The following DELE1 variants were observed in gnomAD, a reference collection of about 807,000 sequenced individuals.
The protein encoded by DELE1 is death ligand signal enhancer.
A neutral mutation model predicts 59.3 loss-of-function variants in DELE1; 54 were observed. The ratio of observed to expected loss-of-function variants is 0.91; its 90% CI spans 0.73 to 1.14. The LOEUF (loss-of-function observed/expected upper bound fraction) is 1.14, where lower values mean the gene tolerates loss of function less well. Ranked by LOEUF, DELE1 falls within the 50% of genes most tolerant of loss-of-function variation. The probability of loss-of-function intolerance (pLI) is 0.00; values close to 1 mark genes in which losing one functional copy is unlikely to be tolerated. For missense variants in DELE1, 636 were observed against 643.9 expected, an observed-to-expected ratio of 0.99 and a Z score of 0.13; for synonymous variants, 264 against 259.1, an observed-to-expected ratio of 1.02 and a Z score of -0.18.
intron 7 of DELE1, among the ~76,000 whole-genome samples, chr5:141,932,152 G>A (rs968847837): frequency 6.6e-6 from 1 of 152,080 alleles, no homozygotes; most frequent in African/African-American, 2.4e-5. Context: ...GTTTAGAGCA[G>A]ACACAGGATG....
Position 141,940,023 on chromosome 5 carries a change from A to C in DELE1, c.*1264A>C, listed in dbSNP as rs1752643992. 2 of 985,166 alleles carry C rather than the reference A, an allele frequency of 2.0e-6. No homozygotes were observed. Among genetic ancestry groups the C allele is most frequent in the Non-Finnish European group, 2.4e-6 (2 of 829,834 alleles). The allele number at this position is 985,166 out of a possible 1,614,324, so 61.0% of individuals were successfully genotyped here. ...TGAAAGCATTATGACTGTCCTACCCATGGGAGAGTAAATGTAGATTGAATG... is the reference window on the plus strand; with the variant it reads ...TGAAAGCATTATGACTGTCCTACCCCTGGGAGAGTAAATGTAGATTGAATG... On this transcript the variant is annotated 3_prime_UTR_variant, in exon 12 of 12. Transcript: ENST00000432126.
At chr5:141,938,453 G>A in intron 11 of DELE1, 68 bp from the exon 12 acceptor site, 1 of 1,556,652 alleles carries the variant, frequency 6.4e-7, no homozygotes, top group African/African-American at 1.4e-5. Flanking sequence ...TTGAAGAAGT[G>A]CTGGCTCCAA....
chr5:141,927,488 C>T lies in DELE1; in HGVS notation c.265-663C>T, dbSNP rs998505977. Among the ~76,000 whole-genome samples, 4 of 152,290 alleles carry T rather than the reference C, an allele frequency of 2.6e-5. No individual in the cohort carries two copies. The East Asian group carries it at 5.8e-4, about 22-fold the overall frequency. On this transcript the variant is annotated intron_variant, in intron 3 of 11. Transcript: ENST00000432126. The stretch of plus-strand genomic sequence containing the variant: ...GATTACAGGCATGAGCCACTGCACC[C>T]GACCCTGGGTCAACCTTCTTAAGCA...
rs200816837 is a variant in DELE1 at position 141,928,306 on chromosome 5, C to T, written c.412+8C>T. On this transcript the variant is annotated splice_region_variant and intron_variant, in intron 4 of 11. Transcript: ENST00000432126. ...TGTGGCACCCATGCTCCTGTGAGTT[C>T]TCAGTCCTGGGGACAGGAGGGCTGG... 4 of 1,613,602 alleles carry T rather than the reference C, an allele frequency of 2.5e-6. No homozygotes were observed. The East Asian group carries it at 8.9e-5, about 36-fold the overall frequency.
intron 10 of DELE1, among the ~76,000 whole-genome samples, chr5:141,935,449 T>G: frequency 6.6e-6 from 1 of 152,246 alleles, no homozygotes; most frequent in Non-Finnish European, 1.5e-5. Context: ...CCAGGAGTCT[T>G]GGATTAAATC....
intron 10 of DELE1, 140 bp from the exon 11 acceptor site, chr5:141,937,058 T>C (rs1461632808): frequency 2.6e-6 from 4 of 1,511,792 alleles, no homozygotes; most frequent in Admixed American, 4.2e-5. Context: ...GATCCCTTGC[T>C]ATGGGGCGGG....
intron 7 of DELE1, 81 bp downstream of exon 7, chr5:141,930,355 G>A: frequency 9.9e-7 from 1 of 1,009,208 alleles, no homozygotes. Context: ...AGTCAAGATA[G>A]GGAGTGGCTT....
chr5:141,929,820 G>T, intron 5 of DELE1, 80 bp downstream of exon 5: 2 of 1,567,710 alleles, frequency 1.3e-6, no homozygotes, highest in East Asian at 4.6e-5. Context: ...TGTTTGCTGC[G>T]AAGGGAATTG....
chr5:141,929,913 G>C (rs1751761594), intron 5 of DELE1, 76 bp from the exon 6 acceptor site: 1 of 1,540,752 alleles, frequency 6.5e-7, no homozygotes, highest in Non-Finnish European at 9.0e-7. Context: ...GAAAGCCTGG[G>C]TAGACTGGGA....
In DELE1 at chr5:141,929,668, G is replaced by A; in HGVS notation, c.499G>A (p.Ala167Thr). 1.2e-6 allele frequency: 2 copies of A among 1,614,240 alleles called. No homozygotes were observed. Among genetic ancestry groups the A allele is most frequent in the Non-Finnish European group, 1.7e-6 (2 of 1,180,042 alleles). ...GGAACCCAGGCTTGGCCAGGAAGAA[G>A]CCTCAGCTCAGCCCCGGAACTTCTC... ...LREPRLGQEE[A>T]SAQPRNFSHN... is the part of the protein sequence containing the mutation. The change falls in exon 5 of 12, where the codon GCC (alanine) becomes ACC (threonine). Residue 167 changes from alanine to threonine, a missense_variant. Coordinates refer to ENST00000432126, the MANE Select transcript of DELE1 (RefSeq NM_014773.5).
Position 141,940,774 on chromosome 5 carries a change from G to C in DELE1, c.*2015G>C, listed in dbSNP as rs1010703826. ...TTGTCTTTGTATTCCAGTGTCCCCA[G>C]CACTGAGTGCAAGGCCCCATGCAGG... On this transcript the variant is annotated 3_prime_UTR_variant, in exon 12 of 12. Transcript: ENST00000432126. 2.0e-6 allele frequency: 2 copies of C among 982,202 alleles called. No individual in the cohort carries two copies. The highest frequency in any genetic ancestry group is 2.4e-6 in the Non-Finnish European group (2 of 827,114). 60.8% of individuals were successfully genotyped at this position (982,202 alleles called of 1,614,324 possible). A position where few individuals can be genotyped will look rare whatever the true frequency, so the allele number is the denominator to read the frequency against.
Position 141,929,665 on chromosome 5 carries a change from G to A in DELE1, c.496G>A (p.Glu166Lys). The change falls in exon 5 of 12, where the codon GAA becomes AAA. Residue 166 changes from glutamate (E) to lysine (K), a missense_variant. Coordinates refer to ENST00000432126, the MANE Select transcript of DELE1 (RefSeq NM_014773.5). ...CAGGGAACCCAGGCTTGGCCAGGAA[G>A]AAGCCTCAGCTCAGCCCCGGAACTT... is the stretch of plus-strand genomic sequence containing the variant. ...GLREPRLGQE[E>K]ASAQPRNFSH... 1.2e-6 allele frequency: 2 copies of A among 1,614,234 alleles called. No individual in the cohort carries two copies. Among genetic ancestry groups the A allele is most frequent in the Non-Finnish European group, 1.7e-6 (2 of 1,180,044 alleles).
At position 141,938,790 on chromosome 5, in the gene DELE1, T is replaced by G. The variant is rs1752568882; in HGVS notation, c.*31T>G. 1.9e-6 allele frequency: 3 copies of G among 1,582,556 alleles called. No individual in the cohort carries two copies. In the South Asian group the frequency reaches 3.4e-5, roughly 18 times the overall value. ...GATAAAACATAGTCCCTGGTGCCTC[T>G]TAGGGGCCAGAGCGGGCAGGAGGTT... On this transcript the variant is annotated 3_prime_UTR_variant, in exon 12 of 12. Coordinates refer to ENST00000432126, the MANE Select transcript of DELE1 (RefSeq NM_014773.5).
chr5:141,936,003 C>A (rs1297478256), intron 10 of DELE1, among the ~76,000 whole-genome samples: 1 of 152,114 alleles, frequency 6.6e-6, no homozygotes, highest in African/African-American at 2.4e-5. Context: ...GTTATAGAAG[C>A]AGGGGGAGAA....
chr5:141,938,428 T>G, intron 11 of DELE1, 93 bp from the exon 12 acceptor site: 1 of 1,532,984 alleles, frequency 6.5e-7, no homozygotes, highest in Non-Finnish European at 8.8e-7. Context: ...TAACAATGCC[T>G]GGGGAACCAA....
At chr5:141,932,052 T>C (rs897201835) in intron 7 of DELE1, among the ~76,000 whole-genome samples, 2 of 152,226 alleles carry the variant, frequency 1.3e-5, no homozygotes, top group Non-Finnish European at 2.9e-5. Context: ...AGACAGGACT[T>C]GTACTTTTGA....
Position 141,928,154 on chromosome 5 carries a change from A to G in DELE1, c.268A>G (p.Thr90Ala), listed in dbSNP as rs1192142642. Residue 90 changes from threonine to alanine, a missense_variant, in exon 4 of 12, where the codon ACT (threonine) becomes GCT (alanine). By Grantham distance (58) the Thr-to-Ala change is moderately conservative. Coordinates refer to ENST00000432126, the MANE Select transcript of DELE1 (RefSeq NM_014773.5). ...CTTAACGTGCTGTCTTTCCCAGGGC[A>G]CTCTGGCCGTGCTGGCCCTGCAGCT... ...NTLWDAISWG[T>A]LAVLALQLAR... 2 of 1,613,034 alleles carry G rather than the reference A, an allele frequency of 1.2e-6. No homozygotes were observed. Among genetic ancestry groups the G allele is most frequent in the African/African-American group, 2.7e-5 (2 of 74,880 alleles).
intron 3 of DELE1, among the ~76,000 whole-genome samples, chr5:141,927,828 G>T (rs558468639): frequency 6.6e-6 from 1 of 152,310 alleles, no homozygotes; most frequent in South Asian, 2.1e-4. Context: ...TATTCAGGTT[G>T]TACTTATTAG....
At chr5:141,931,776 A>T (rs991829264) in intron 7 of DELE1, among the ~76,000 whole-genome samples, 2 of 152,180 alleles carry the variant, frequency 1.3e-5, no homozygotes, top group African/African-American at 2.4e-5. Context: ...TATTTAATTC[A>T]CTGCTGGCTG....
Sources: allele counts gnomAD v4.1 joint callset (sites outside exome capture counted in the v4.1 genomes callset), GRCh38; gene constraint gnomAD v4.1.1; transcripts MANE v1.5; gene names NCBI Gene and HGNC (gene_info 2026-07-23, HGNC 2026-07-21).